The following PDE3A variants were observed in gnomAD, a reference collection of about 807,000 sequenced individuals.
The protein encoded by PDE3A is phosphodiesterase 3A.
Under a neutral mutation model 98.3 loss-of-function variants are expected in PDE3A, and 43 were observed. The observed-to-expected ratio is 0.44, with a 90% CI of 0.34 to 0.56. The LOEUF (loss-of-function observed/expected upper bound fraction) is 0.56. Ranked by LOEUF, PDE3A falls within the 20% of genes least tolerant of loss-of-function variation. The pLI is 0.01. For synonymous variants in PDE3A, 663 were observed against 567.9 expected (o/e 1.17, Z -2.38); for missense variants, 1,427 against 1,440.7 (o/e 0.99, Z 0.15).
In PDE3A at chr12:20,608,692, A is replaced by T. The variant is rs116480384; in HGVS notation, c.1012-4751A>T. 9.3e-3 allele frequency among the ~76,000 whole-genome samples: 1,416 copies of T among 152,174 alleles called. 24 individuals carry two copies. Among genetic ancestry groups the T allele is most frequent in the African/African-American group, 0.032 (1,342 of 41,558 alleles). ...CTTTAAAGAAAAAATAAAATGTATT[A>T]TAAAAAGACACACAATTTGATAATT... On this transcript the variant is annotated intron_variant, in intron 2 of 15. Coordinates refer to ENST00000359062, the MANE Select transcript of PDE3A (RefSeq NM_000921.5).
chr12:20,618,117 ACTGTCCTATGAAAAG>A (rs1303503254), intron 4 of PDE3A, among the ~76,000 whole-genome samples: 3 of 152,100 alleles, frequency 2.0e-5, no homozygotes, highest in African/African-American at 7.2e-5. Flanking sequence ...TCATAATCTC[ACTGTCCTATGAAAAG>A]TACTGATGTA....
chr12:20,471,489 G>C (rs565573150), intron 1 of PDE3A, among the ~76,000 whole-genome samples: 1 of 152,224 alleles, frequency 6.6e-6, no homozygotes, highest in South Asian at 2.1e-4. Flanking sequence ...ATAAATCCTA[G>C]TTTCTAGAAA....
At position 20,654,002 on chromosome 12, in the gene PDE3A, C is replaced by T. The variant is rs1384714338; in HGVS notation, c.2981C>T (p.Ala994Val). The T allele has an allele frequency of 6.2e-7, 1 of 1,614,096 alleles. No homozygotes were observed. The highest frequency in any genetic ancestry group is 8.5e-7 in the Non-Finnish European group (1 of 1,179,954). ...ATAAGCCCCTTCATGGATCGTTCTG[C>T]TCCTCAGCTGGCCAACCTTCAGGAA... ...LPISPFMDRSAPQLANLQESF... is the reference protein window; with the variant it reads ...LPISPFMDRSVPQLANLQESF... The change falls in exon 15 of 16, where the codon GCT becomes GTT. Residue 994 changes from alanine to valine, a missense_variant. Transcript: ENST00000359062.
intron 1 of PDE3A, chr12:20,449,579 T>A (rs1945025838): frequency 3.2e-6 from 1 of 312,070 alleles, no homozygotes; most frequent in South Asian, 1.1e-4. Flanking sequence ...ATGTGGGGTA[T>A]CTGAATGCAC....
intron 2 of PDE3A, among the ~76,000 whole-genome samples, chr12:20,610,871 C>G (rs376415373): frequency 6.6e-6 from 1 of 151,774 alleles, no homozygotes; most frequent in African/African-American, 2.4e-5. Flanking sequence ...ATAAAACAGT[C>G]GTTACCCTGG....
chr12:20,398,048 T>G (rs1360349238), intron 1 of PDE3A, among the ~76,000 whole-genome samples: 3 of 127,306 alleles, frequency 2.4e-5, no homozygotes, highest in African/African-American at 6.8e-5. Context: ...GTTTTTTTTT[T>G]TTGTTTTTTT....
At chr12:20,449,620 G>A (rs12313679) in intron 1 of PDE3A, 18,795 of 387,620 alleles carry the variant, frequency 0.048, 550 homozygotes, top group Middle Eastern at 0.081. Flanking sequence ...ACTTACTGGA[G>A]CCAATTGTGG....
At chr12:20,503,800 G>A (rs1946066157) in intron 1 of PDE3A, among the ~76,000 whole-genome samples, 1 of 151,860 alleles carries the variant, frequency 6.6e-6, no homozygotes, top group African/African-American at 2.4e-5. Context: ...AACCACCCTA[G>A]AATTTATAAA....
chr12:20,550,121 A>G (rs1460640802), intron 1 of PDE3A, among the ~76,000 whole-genome samples: 3 of 152,164 alleles, frequency 2.0e-5, no homozygotes, highest in Non-Finnish European at 4.4e-5. Flanking sequence ...TGTCATCATG[A>G]AATATTCTCT....
intron 1 of PDE3A, among the ~76,000 whole-genome samples, chr12:20,386,043 T>TATATATATAAATATATATAAAAG (rs1943762836): frequency 2.8e-5 from 1 of 36,022 alleles, no homozygotes; most frequent in Non-Finnish European, 6.1e-5. Context: ...ATATATAAAA[T>TATATATATAAATATATATAAAAG]ATATATAAAT....
intron 10 of PDE3A, among the ~76,000 whole-genome samples, chr12:20,644,811 GCCTCCTCCT>G (rs928837339): frequency 9.9e-4 from 147 of 149,010 alleles, no homozygotes; most frequent in African/African-American, 3.5e-3. Flanking sequence ...TAGGATTTGA[GCCTCCTCCT>G]CCTCCTCCTT....
chr12:20,437,942 G>A (rs1025227242), intron 1 of PDE3A, among the ~76,000 whole-genome samples: 79 of 150,748 alleles, frequency 5.2e-4, no homozygotes, highest in Non-Finnish European at 1.5e-5. Flanking sequence ...CCCAATTTTA[G>A]CTAAACCTCT....
Position 20,384,327 on chromosome 12 carries a change from GT to G in PDE3A, c.960+14089del, listed in dbSNP as rs561554987. Among the ~76,000 whole-genome samples the G allele has an allele frequency of 4.6e-5, 7 of 151,584 alleles. No homozygotes were observed. The East Asian group carries it at 1.4e-3, about 30-fold the overall frequency. On this transcript the variant is annotated intron_variant, in intron 1 of 15. Coordinates refer to ENST00000359062, the MANE Select transcript of PDE3A (RefSeq NM_000921.5). ...ATCAAGCATCTCAAACTCTTCAAAAGTTTTTTAGTTTGTTAGGATACTATAA... is the reference window on the plus strand; with the variant it reads ...ATCAAGCATCTCAAACTCTTCAAAAGTTTTTAGTTTGTTAGGATACTATAA...
chr12:20,568,607 A>T (rs1942719420), intron 2 of PDE3A, among the ~76,000 whole-genome samples: 1 of 152,000 alleles, frequency 6.6e-6, no homozygotes, highest in Non-Finnish European at 1.5e-5. Flanking sequence ...GTGACACAAC[A>T]TTTCAAACAT....
chr12:20,386,058 A>G lies in PDE3A; in HGVS notation c.960+15814A>G, dbSNP rs1261831763. On this transcript the variant is annotated intron_variant, in intron 1 of 15. Transcript: ENST00000359062. ...ATATATAAAATATATATAAATATATATAAATATATATAAAATATATATAAA... is the reference window on the plus strand; with the variant it reads ...ATATATAAAATATATATAAATATATGTAAATATATATAAAATATATATAAA... 3.1e-4 allele frequency among the ~76,000 whole-genome samples: 28 copies of G among 90,674 alleles called. 1 individual carries two copies. The highest frequency in any genetic ancestry group is 1.3e-3 in the African/African-American group (27 of 21,026). 59.5% of individuals were successfully genotyped at this position (90,674 alleles called of 152,430 possible).
intron 4 of PDE3A, among the ~76,000 whole-genome samples, chr12:20,617,121 A>T (rs537182558): frequency 4.1e-4 from 62 of 152,264 alleles, no homozygotes; most frequent in African/African-American, 1.5e-3. Context: ...TTTGAAACAC[A>T]TGTATAAGTT....
chr12:20,669,278 G>A (rs1945404911), intron 15 of PDE3A, among the ~76,000 whole-genome samples: 2 of 152,098 alleles, frequency 1.3e-5, no homozygotes, highest in South Asian at 2.1e-4. Context: ...ACATGCTGCA[G>A]GATATTATCC....
At chr12:20,480,089 T>TGGTCTTGGCCTCATTTAATAGCTGC (rs1272469632) in intron 1 of PDE3A, among the ~76,000 whole-genome samples, 1 of 152,206 alleles carries the variant, frequency 6.6e-6, no homozygotes, top group Non-Finnish European at 1.5e-5. Flanking sequence ...CATCAAGCTC[T>TGGTCTTGGCCTCATTTAATAGCTGC]TGCTGCTGCT....
rs1945959101 is a variant in PDE3A at position 20,686,283 on chromosome 12, G to C, written c.*6012G>C. 6.6e-6 allele frequency among the ~76,000 whole-genome samples: 1 copy of C among 152,114 alleles called. No homozygotes were observed. Among genetic ancestry groups the C allele is most frequent in the South Asian group, 2.1e-4 (1 of 4,826 alleles). ...TTCTGAGTTTTCCTAAGACAAAGGA[G>C]TGTATTATCCAGCAATTTATTGTTT... On this transcript the variant is annotated 3_prime_UTR_variant, in exon 16 of 16. Transcript: ENST00000359062.
Sources: allele counts gnomAD v4.1 joint callset (sites outside exome capture counted in the v4.1 genomes callset), GRCh38; gene constraint gnomAD v4.1.1; transcripts MANE v1.5; gene names NCBI Gene and HGNC (gene_info 2026-07-23, HGNC 2026-07-21).